DNAJC17: variants seen among roughly 807,000 people sequenced by gnomAD.
The protein encoded by DNAJC17 is dnaJ homolog subfamily C member 17.
A neutral mutation model predicts 48.1 loss-of-function variants in DNAJC17; 35 were observed. That is an observed-to-expected ratio of 0.73 (90% CI 0.56 to 0.96). The LOEUF (loss-of-function observed/expected upper bound fraction) is 0.96. Ranked by LOEUF, DNAJC17 falls within the 50% of genes least tolerant of loss-of-function variation. The probability of loss-of-function intolerance (pLI) is 0.00; values close to 1 mark genes in which losing one functional copy is unlikely to be tolerated. For missense variants in DNAJC17, 355 were observed against 377.1 expected, an observed-to-expected ratio of 0.94 and a Z score of 0.48; for synonymous variants, 117 against 142.7, an observed-to-expected ratio of 0.82 and a Z score of 1.28.
chr15:40,799,845 T>C (rs762750363), intron 1 of DNAJC17, among the ~76,000 whole-genome samples: 18 of 152,146 alleles, frequency 1.2e-4, no homozygotes, highest in Non-Finnish European at 2.4e-4. Flanking sequence ...TTTCTCTCTC[T>C]CTCTTTTTAC....
intron 1 of DNAJC17, among the ~76,000 whole-genome samples, chr15:40,802,256 C>T (rs1187782280): frequency 6.6e-6 from 1 of 151,670 alleles, no homozygotes; most frequent in East Asian, 1.9e-4. Context: ...CTGCAACCTC[C>T]GCCTCCCAGG....
Position 40,767,684 on chromosome 15 carries a change from A to G in DNAJC17, c.*256T>C. On this transcript the variant is annotated 3_prime_UTR_variant, in exon 11 of 11. Transcript: ENST00000220496. The stretch of plus-strand genomic sequence containing the variant: ...GCGTGGCTCCTGCATAGCTAGCCCA[A>G]GCCAATAAAGGGCTGTGATGAGTGG... 3.3e-6 allele frequency: 2 copies of G among 611,174 alleles called. No individual in the cohort carries two copies. The highest frequency in any genetic ancestry group is 5.5e-6 in the Non-Finnish European group (2 of 366,878). 37.9% of individuals were successfully genotyped at this position (611,174 alleles called of 1,614,324 possible).
intron 1 of DNAJC17, among the ~76,000 whole-genome samples, chr15:40,790,333 G>A (rs1889765630): frequency 6.6e-6 from 1 of 152,182 alleles, no homozygotes; most frequent in Non-Finnish European, 1.5e-5. Context: ...AAACACTTTG[G>A]GAGGCTGAGG....
At chr15:40,775,253 T>TC in intron 7 of DNAJC17, 145 bp from the exon 8 acceptor site, 1 of 935,306 alleles carries the variant, frequency 1.1e-6, no homozygotes, top group Non-Finnish European at 1.6e-6. Flanking sequence ...AGAAACATTT[T>TC]CCCCTTGGGA....
chr15:40,794,195 C>A lies in DNAJC17; in HGVS notation c.78+13174G>T, dbSNP rs567154202. On this transcript the variant is annotated intron_variant, in intron 1 of 10. Transcript: ENST00000220496. ...TGAAATCCCATCTCTACTAAAAATA[C>A]AAAAATTAGCCAGGCATGGTGGTGC... Among the ~76,000 whole-genome samples the A allele has an allele frequency of 2.0e-5, 3 of 151,642 alleles. No individual in the cohort carries two copies. In the East Asian group the frequency reaches 5.8e-4, roughly 29 times the overall value.
At chr15:40,800,357 C>A (rs538796069) in intron 1 of DNAJC17, among the ~76,000 whole-genome samples, 5 of 152,262 alleles carry the variant, frequency 3.3e-5, no homozygotes, top group African/African-American at 1.2e-4. Flanking sequence ...CGTGTGCCAC[C>A]GCACCTGGCC....
At chr15:40,768,920 CCTGCCCGTAGCAGAGAG>C (rs1183066372) in intron 10 of DNAJC17, among the ~76,000 whole-genome samples, 1 of 152,260 alleles carries the variant, frequency 6.6e-6, no homozygotes, top group Non-Finnish European at 1.5e-5. Context: ...GATGCGGTGG[CCTGCCCGTAGCAGAGAG>C]CTGTGGGGCC....
intron 1 of DNAJC17, among the ~76,000 whole-genome samples, chr15:40,793,303 T>TTTA (rs1889859400): frequency 6.6e-6 from 1 of 152,216 alleles, no homozygotes; most frequent in African/African-American, 2.4e-5. Flanking sequence ...CAGCATTTTC[T>TTTA]TATATACTCT....
At chr15:40,807,242 G>T in intron 1 of DNAJC17, 127 bp downstream of exon 1, 1 of 1,570,772 alleles carries the variant, frequency 6.4e-7, no homozygotes, top group Non-Finnish European at 8.6e-7. Flanking sequence ...AGGGCATAGC[G>T]CCGACCCTCG....
At chr15:40,784,885 G>T (rs998438474) in intron 1 of DNAJC17, among the ~76,000 whole-genome samples, 1 of 152,126 alleles carries the variant, frequency 6.6e-6, no homozygotes, top group South Asian at 2.1e-4. Context: ...ATCACCTGAG[G>T]TCAGGGGTTG....
intron 1 of DNAJC17, among the ~76,000 whole-genome samples, chr15:40,781,883 T>C (rs1421884054): frequency 6.6e-6 from 1 of 151,950 alleles, no homozygotes; most frequent in East Asian, 1.9e-4. Context: ...GATCACACCA[T>C]TGCACTGCAG....
intron 4 of DNAJC17, 117 bp downstream of exon 4, chr15:40,779,106 A>C: frequency 2.0e-6 from 2 of 1,024,530 alleles, no homozygotes; most frequent in Non-Finnish European, 3.1e-6. Context: ...CGTTTTGCCC[A>C]GAGCCTGAGC....
At chr15:40,794,634 T>C (rs1439248727) in intron 1 of DNAJC17, among the ~76,000 whole-genome samples, 1 of 152,190 alleles carries the variant, frequency 6.6e-6, no homozygotes. Flanking sequence ...ATTGCACCAC[T>C]GTACTTTGGC....
intron 10 of DNAJC17, 105 bp from the exon 11 acceptor site, chr15:40,768,167 G>A (rs1429998388): frequency 5.8e-6 from 8 of 1,378,258 alleles, no homozygotes; most frequent in Admixed American, 2.8e-5. Flanking sequence ...GAGTCTCGGA[G>A]GGAGGACGGC....
intron 1 of DNAJC17, among the ~76,000 whole-genome samples, chr15:40,804,022 G>C (rs570012619): frequency 5.6e-4 from 85 of 151,628 alleles, no homozygotes; most frequent in African/African-American, 1.8e-3. Context: ...ATCCAGGCTG[G>C]AATACAGTGG....
rs1193085925 is a variant in DNAJC17 at position 40,780,302 on chromosome 15, A to G, written c.79-305T>C. 20 of 548,932 alleles carry G rather than the reference A, an allele frequency of 3.6e-5. No homozygotes were observed. The East Asian group carries it at 8.9e-4, about 24-fold the overall frequency. 34.0% of individuals were successfully genotyped at this position (548,932 alleles called of 1,614,324 possible). On this transcript the variant is annotated intron_variant, in intron 1 of 10. Coordinates refer to ENST00000220496, the MANE Select transcript of DNAJC17 (RefSeq NM_018163.3). ...CCCCGCTTTCTCGACAGCCACTCGA[A>G]GACAGGTACTCTACACATTCTTGGT...
At position 40,768,031 on chromosome 15, in the gene DNAJC17, C is replaced by A; in HGVS notation, c.824G>T (p.Ser275Ile). 1 of 1,592,890 alleles carries A rather than the reference C, an allele frequency of 6.3e-7. No individual in the cohort carries two copies. Among genetic ancestry groups the A allele is most frequent in the Non-Finnish European group, 8.5e-7 (1 of 1,171,882 alleles). ...CTGGCGCATGCGCATCATGACGAGG[C>A]TCTCGTAGTCCCTCTCTGACAGCAC... ...GSVLSERDYE[S>I]LVMMRMRQAA... Residue 275 changes from serine (S) to isoleucine (I), a missense_variant, in exon 11 of 11, where the codon AGC (serine) becomes ATC (isoleucine). Transcript: ENST00000220496.
At chr15:40,789,094 T>C (rs1313467110) in intron 1 of DNAJC17, among the ~76,000 whole-genome samples, 1 of 152,106 alleles carries the variant, frequency 6.6e-6, no homozygotes, top group African/African-American at 2.4e-5. Context: ...CTGCTGGTGG[T>C]ACCAAGATAA....
chr15:40,775,096 A>C lies in DNAJC17; in HGVS notation c.535T>G (p.Cys179Gly). ...GTPKLKLKWKCKKEDESKGGY... is the reference protein window; with the variant it reads ...GTPKLKLKWKGKKEDESKGGY... Reference sequence around the variant, plus strand: ...CCTTTTGACTCATCCTCCTTCTTGCACTTCCATTTTAGCTGAAAAGAGAGC... The same window carrying C: ...CCTTTTGACTCATCCTCCTTCTTGCCCTTCCATTTTAGCTGAAAAGAGAGC... The change falls in exon 8 of 11, where the codon TGC (cysteine) becomes GGC (glycine). Residue 179 changes from cysteine to glycine, a missense_variant. Cys to Gly is a radical substitution (Grantham distance 159). Coordinates refer to ENST00000220496, the MANE Select transcript of DNAJC17 (RefSeq NM_018163.3). The C allele has an allele frequency of 6.2e-7, 1 of 1,614,156 alleles. No individual in the cohort carries two copies. Among genetic ancestry groups the C allele is most frequent in the Non-Finnish European group, 8.5e-7 (1 of 1,180,038 alleles).
Sources: allele counts gnomAD v4.1 joint callset (sites outside exome capture counted in the v4.1 genomes callset), GRCh38; gene constraint gnomAD v4.1.1; transcripts MANE v1.5; gene names NCBI Gene and HGNC (gene_info 2026-07-23, HGNC 2026-07-21).